Variants in CCAR2 observed in about 807,000 individuals in gnomAD.
CCAR2 encodes cell cycle and apoptosis regulator 2.
A neutral mutation model predicts 108.1 loss-of-function variants in CCAR2; 21 were observed. That is an observed-to-expected ratio of 0.19 (90% CI 0.14 to 0.28). The LOEUF is 0.28. Ranked by LOEUF, CCAR2 falls within the 10% of genes least tolerant of loss-of-function variation. The probability of loss-of-function intolerance (pLI) is 1.00; values close to 1 mark genes in which losing one functional copy is unlikely to be tolerated. For missense variants in CCAR2, 1,126 were observed against 1,177.0 expected, an observed-to-expected ratio of 0.96 and a Z score of 0.63; for synonymous variants, 577 against 472.8, an observed-to-expected ratio of 1.22 and a Z score of -2.86.
At position 22,614,329 on chromosome 8, in the gene CCAR2, G is replaced by C. The variant is rs755178284; in HGVS notation, c.927+15G>C. On this transcript the variant is annotated intron_variant, in intron 9 of 20. Transcript: ENST00000308511. Reference sequence around the variant, plus strand: ...ATAGTTCGAAGGTAAGCTGACAGGCGTCTCTCACTTATCTGATTTCTGGAG... The same window carrying C: ...ATAGTTCGAAGGTAAGCTGACAGGCCTCTCTCACTTATCTGATTTCTGGAG... 7.4e-6 allele frequency: 12 copies of C among 1,613,874 alleles called. No homozygotes were observed. Among genetic ancestry groups the C allele is most frequent in the Non-Finnish European group, 8.5e-6 (10 of 1,179,830 alleles).
intron 8 of CCAR2, chr8:22,613,758 T>C (rs759659981): frequency 5.3e-5 from 14 of 264,510 alleles, no homozygotes; most frequent in Non-Finnish European, 7.2e-5. Context: ...CTAATTCTTA[T>C]GTATTTCTCT....
rs200881628 is a variant in CCAR2 at position 22,607,303 on chromosome 8, T to G, written c.465T>G (p.Ile155Met). Residue 155 changes from isoleucine to methionine, a missense_variant, in exon 6 of 21, where the codon ATT (isoleucine) becomes ATG (methionine). Physicochemically the swap from Ile to Met is conservative, Grantham distance 10. Around this residue, in one of 4 missense-constraint regions of CCAR2, gnomAD observed 1,013 missense variants for 993.9 expected, o/e 1.02. Transcript: ENST00000308511. ...QPQLIFQPHR[I>M]PPLFPQKPLS... ...AGTTGATCTTCCAGCCTCACCGGATTCCCCCACTCTTTCCTCAGAAGCGTG... is the reference window on the plus strand; with the variant it reads ...AGTTGATCTTCCAGCCTCACCGGATGCCCCCACTCTTTCCTCAGAAGCGTG... 1 of 1,612,882 alleles carries G rather than the reference T, an allele frequency of 6.2e-7. No individual in the cohort carries two copies.
At chr8:22,609,172 T>C (rs1300390686) in intron 7 of CCAR2, among the ~76,000 whole-genome samples, 3 of 151,752 alleles carry the variant, frequency 2.0e-5, no homozygotes, top group African/African-American at 7.3e-5. Flanking sequence ...TGCCTCGGCC[T>C]CCGCAGTAGC....
rs1801595226 is a variant in CCAR2 at position 22,618,045 on chromosome 8, GC to G, written c.2073+268del. 1.5e-5 allele frequency: 9 copies of G among 590,348 alleles called. No homozygotes were observed. The South Asian group carries it at 1.9e-4, about 12-fold the overall frequency. 36.6% of individuals were successfully genotyped at this position (590,348 alleles called of 1,614,324 possible). ...TTGCCAAAGTGGGCCAGAGAGGAAG[GC>G]TGGCTTGGGCGTGATGAACATCAGG... On this transcript the variant is annotated intron_variant, in intron 16 of 20. Transcript: ENST00000308511.
At chr8:22,618,088 T>C in intron 16 of CCAR2, 1 of 594,552 alleles carries the variant, frequency 1.7e-6, no homozygotes, top group South Asian at 2.0e-5. Flanking sequence ...GCTTGATGTT[T>C]TGTTTTTTAG....
chr8:22,612,501 C>T lies in CCAR2; in HGVS notation c.585-516C>T, dbSNP rs187865499. ...CAGGATGGTCTCGATCTCTTGACCT[C>T]GTGATCTGCCCGCCTTGGCCTCCCA... On this transcript the variant is annotated intron_variant, in intron 7 of 20. Transcript: ENST00000308511. 4.6e-3 allele frequency among the ~76,000 whole-genome samples: 677 copies of T among 146,762 alleles called. 5 individuals carry two copies. Among genetic ancestry groups the T allele is most frequent in the Middle Eastern group, 0.032 (8 of 252 alleles).
chr8:22,605,709 G>A, intron 1 of CCAR2, 27 bp from the exon 2 acceptor site: 2 of 1,395,184 alleles, frequency 1.4e-6, no homozygotes, highest in East Asian at 2.3e-5. Flanking sequence ...CTTATAAGCT[G>A]TTAATTTCTT....
At chr8:22,621,017 A>C (rs1340605395), downstream of CCAR2, 2 of 164,042 alleles carry the variant, frequency 1.2e-5, no homozygotes, top group East Asian at 3.6e-4. Context: ...TGAAAAGGCA[A>C]CGAGGGGCCA....
chr8:22,618,171 G>T, intron 16 of CCAR2, 178 bp from the exon 17 acceptor site: 1 of 754,804 alleles, frequency 1.3e-6, no homozygotes. Flanking sequence ...GTGCACTGCA[G>T]CCTCGAACTC....
At position 22,616,895 on chromosome 8, in the gene CCAR2, TTGG is replaced by T. The variant is rs1239471612; in HGVS notation, c.1846-524_1846-522del. 1.0e-3 allele frequency among the ~76,000 whole-genome samples: 53 copies of T among 52,752 alleles called. 1 individual carries two copies. The highest frequency in any genetic ancestry group is 5.8e-3 in the African/African-American group (49 of 8,392). The allele number at this position is 52,752 out of a possible 152,430, so 34.6% of individuals were successfully genotyped here. A position where few individuals can be genotyped will look rare whatever the true frequency, so the allele number is the denominator to read the frequency against. On this transcript the variant is annotated intron_variant, in intron 14 of 20. Transcript: ENST00000308511. ...TTTTTTTTTTTTTTTTTTTTTTTTT[TTGG>T]GGAGATGGAGTCTTGCTCTGTCACC...
chr8:22,620,574 G>GTGGGCC (rs1431539041), downstream of CCAR2: 2 of 152,252 alleles, frequency 1.3e-5, no homozygotes, highest in Non-Finnish European at 2.9e-5. Context: ...GCTCCAGAAG[G>GTGGGCC]TGGGCCAGGG....
At chr8:22,607,429 A>T in intron 6 of CCAR2, 104 bp downstream of exon 6, 1 of 1,313,856 alleles carries the variant, frequency 7.6e-7, no homozygotes, top group Non-Finnish European at 1.0e-6. Flanking sequence ...ACTTCTATGT[A>T]CTGGAAGAAA....
In CCAR2 at chr8:22,617,579, G is replaced by A. The variant is rs1801575441; in HGVS notation, c.1990+15G>A. 1 of 1,604,862 alleles carries A rather than the reference G, an allele frequency of 6.2e-7. No homozygotes were observed. Among genetic ancestry groups the A allele is most frequent in the South Asian group, 1.1e-5 (1 of 89,780 alleles). On this transcript the variant is annotated intron_variant, in intron 15 of 20. Coordinates refer to ENST00000308511, the MANE Select transcript of CCAR2 (RefSeq NM_001393997.1). ...GGAGGAGTTTGGTATGTTGAGTGGT[G>A]AGAGGGGAGCTTGCAGGCTTGGGAT... is the stretch of plus-strand genomic sequence containing the variant.
At position 22,619,808 on chromosome 8, in the gene CCAR2, G is replaced by C. The variant is rs1241548864; in HGVS notation, c.*126G>C. 2.0e-6 allele frequency: 2 copies of C among 1,025,078 alleles called. No homozygotes were observed. The highest frequency in any genetic ancestry group is 5.2e-5 in the East Asian group (2 of 38,424). The allele number at this position is 1,025,078 out of a possible 1,614,324, so 63.5% of individuals were successfully genotyped here. On this transcript the variant is annotated 3_prime_UTR_variant, in exon 21 of 21. Coordinates refer to ENST00000308511, the MANE Select transcript of CCAR2 (RefSeq NM_001393997.1). ...CCAGGGCAGGGGTGGCTGACCCCAT[G>C]CTCAGCCTCTAGGGGACGGCAGGCC...
chr8:22,610,886 C>A (rs867509987), intron 7 of CCAR2, among the ~76,000 whole-genome samples: 1 of 152,052 alleles, frequency 6.6e-6, no homozygotes, highest in Non-Finnish European at 1.5e-5. Context: ...CAGTCTGGCA[C>A]GTTATAATGA....
rs1801046707 is a variant in CCAR2 at position 22,605,699 on chromosome 8, C to T, written c.-38-37C>T. On this transcript the variant is annotated intron_variant, in intron 1 of 20. Coordinates refer to ENST00000308511, the MANE Select transcript of CCAR2 (RefSeq NM_001393997.1). ...TTTCCGGGTATAGATGGAAATTTCC[C>T]TTATAAGCTGTTAATTTCTTTCTTT... 9 of 1,297,394 alleles carry T rather than the reference C, an allele frequency of 6.9e-6. No homozygotes were observed. The South Asian group carries it at 1.1e-4, about 16-fold the overall frequency. The allele number at this position is 1,297,394 out of a possible 1,614,324, so 80.4% of individuals were successfully genotyped here.
At chr8:22,613,817 G>C (rs1220339940) in intron 8 of CCAR2, 3 of 409,532 alleles carry the variant, frequency 7.3e-6, no homozygotes, top group Non-Finnish European at 1.3e-5. Context: ...TGAACTTTTT[G>C]TTACTGATTT....
At position 22,619,246 on chromosome 8, in the gene CCAR2, A is replaced by T; in HGVS notation, c.2618A>T (p.Glu873Val). 1 of 1,569,022 alleles carries T rather than the reference A, an allele frequency of 6.4e-7. No individual in the cohort carries two copies. The highest frequency in any genetic ancestry group is 2.3e-5 in the East Asian group (1 of 42,638). ...ELRVRLAEAE[E>V]TARTAERQKS... ...CGAGTCCGGCTGGCGGAGGCCGAGG[A>T]GACCGCCCGGACGGCGGAGCGACAG... Residue 873 changes from glutamate to valine, a missense_variant, in exon 20 of 21, where the codon GAG becomes GTG. Around this residue, in one of 4 missense-constraint regions of CCAR2, gnomAD observed 1,013 missense variants for 993.9 expected, o/e 1.02. Coordinates refer to ENST00000308511, the MANE Select transcript of CCAR2 (RefSeq NM_001393997.1).
In CCAR2 at chr8:22,619,957, C is replaced by T. The variant is rs1267995115; in HGVS notation, c.*275C>T. ...TTTGCCCTCAACCTTGGTATTTCTCCTGGGGCCCTTTTAGTCTTGTGCTGA... is the reference window on the plus strand; with the variant it reads ...TTTGCCCTCAACCTTGGTATTTCTCTTGGGGCCCTTTTAGTCTTGTGCTGA... On this transcript the variant is annotated 3_prime_UTR_variant, in exon 21 of 21. Transcript: ENST00000308511. 2 of 508,450 alleles carry T rather than the reference C, an allele frequency of 3.9e-6. No individual in the cohort carries two copies. Among genetic ancestry groups the T allele is most frequent in the Non-Finnish European group, 3.6e-6 (1 of 280,682 alleles). 31.5% of individuals were successfully genotyped at this position (508,450 alleles called of 1,614,324 possible).
Sources: allele counts gnomAD v4.1 joint callset (sites outside exome capture counted in the v4.1 genomes callset), GRCh38; gene constraint gnomAD v4.1.1; regional missense constraint gnomAD v4.1.1; transcripts MANE v1.5; gene names NCBI Gene and HGNC (gene_info 2026-07-23, HGNC 2026-07-21).